Variants in KDM8 observed in about 807,000 individuals in gnomAD.
KDM8 encodes lysine demethylase 8.
Under a neutral mutation model 46.9 loss-of-function variants are expected in KDM8, and 35 were observed. The observed-to-expected ratio is 0.75, with a 90% CI of 0.57 to 0.99. The LOEUF is 0.99. KDM8 is among the 50% of genes least tolerant of loss of function. The pLI is 0.00. For missense variants in KDM8, 475 were observed against 537.0 expected (o/e 0.88, Z 1.14); for synonymous variants, 232 against 227.7 (o/e 1.02, Z -0.17).
rs1279516368 is a variant in KDM8 at position 27,213,692 on chromosome 16, A to G, written c.606A>G (p.Pro202=). 6.2e-7 allele frequency: 1 copy of G among 1,614,176 alleles called. No individual in the cohort carries two copies. Among genetic ancestry groups the G allele is most frequent in the Non-Finnish European group, 8.5e-7 (1 of 1,180,008 alleles). The change falls in exon 3 of 8, where the codon CCA becomes CCG. Residue 202 remains proline (P), a synonymous_variant. Transcript: ENST00000286096. ...ATTTCAGGGAGCAGTTTTTGGTTCCAGGGAGGCCCGTGATCCTGAAAGGCG... is the reference window on the plus strand; with the variant it reads ...ATTTCAGGGAGCAGTTTTTGGTTCCGGGGAGGCCCGTGATCCTGAAAGGCG... The part of the protein sequence containing the change: ...LQHFREQFLV[P]GRPVILKGVA...
intron 5 of KDM8, among the ~76,000 whole-genome samples, chr16:27,217,816 A>G (rs1276703587): frequency 6.6e-6 from 1 of 151,264 alleles, no homozygotes; most frequent in Non-Finnish European, 1.5e-5. Context: ...CCCTGTTTTC[A>G]TGCCTCTCAA....
intron 5 of KDM8, among the ~76,000 whole-genome samples, chr16:27,216,499 G>T (rs1650920958): frequency 6.6e-6 from 1 of 152,192 alleles, no homozygotes. Flanking sequence ...GATAGGGCCA[G>T]GTGCGTGTCC....
At chr16:27,215,081 C>A (rs753387594) in intron 4 of KDM8, 73 bp downstream of exon 4, 2 of 1,555,912 alleles carry the variant, frequency 1.3e-6, no homozygotes, top group African/African-American at 2.7e-5. Flanking sequence ...AAATAACCCC[C>A]CATGTGTTGT....
chr16:27,209,465 G>A (rs2083459343), intron 1 of KDM8, among the ~76,000 whole-genome samples: 1 of 152,262 alleles, frequency 6.6e-6, no homozygotes, highest in Non-Finnish European at 1.5e-5. Flanking sequence ...GAGCTCAAGT[G>A]ATCCAATTGC....
chr16:27,205,876 A>C, intron 1 of KDM8, among the ~76,000 whole-genome samples: 1 of 152,222 alleles, frequency 6.6e-6, no homozygotes, highest in Non-Finnish European at 1.5e-5. Context: ...GATCAACAAG[A>C]GGTCTTTGAA....
intron 1 of KDM8, chr16:27,204,096 A>AG: frequency 6.5e-7 from 1 of 1,547,854 alleles, no homozygotes; most frequent in Non-Finnish European, 8.7e-7. Context: ...CCCAAATATG[A>AG]GCCGCGAGAA....
intron 1 of KDM8, chr16:27,206,102 A>G (rs554190333): frequency 2.0e-4 from 67 of 341,558 alleles, no homozygotes; most frequent in African/African-American, 1.5e-3. Flanking sequence ...TACAACTCCC[A>G]ATAAACCCTT....
intron 1 of KDM8, 148 bp downstream of exon 1, chr16:27,203,784 G>C (rs565009667): frequency 1.6e-4 from 56 of 341,938 alleles, no homozygotes; most frequent in African/African-American, 1.1e-3. Flanking sequence ...AGGGTGGCTC[G>C]AGTTGCCGCA....
Position 27,210,269 on chromosome 16 carries a change from T to C in KDM8, c.146T>C (p.Leu49Ser). 6.2e-7 allele frequency: 1 copy of C among 1,613,190 alleles called. No individual in the cohort carries two copies. The change falls in exon 2 of 8, where the codon TTG becomes TCG. Residue 49 changes from leucine (L) to serine (S), a missense_variant. Physicochemically the swap from Leu to Ser is moderately radical, Grantham distance 145. Transcript: ENST00000286096. ...GTGGAGAGGAGCGTGGTGACATTGT[T>C]GCAGCGAGCCACTGAGCTCTTCTAC... ...EKVERSVVTL[L>S]QRATELFYEG...
Position 27,210,588 on chromosome 16 carries a change from C to T in KDM8, c.465C>T (p.Ala155=), listed in dbSNP as rs201241042. The change falls in exon 2 of 8, where the codon GCC becomes GCT. Residue 155 remains alanine, a synonymous_variant. Coordinates refer to ENST00000286096, the MANE Select transcript of KDM8 (RefSeq NM_024773.3). The part of the protein sequence containing the change: ...LQTHLPGKRP[A]RGSLPEQPCT... ...CACACCTCCCTGGAAAGAGGCCTGC[C>T]CGTGGCTCCCTCCCAGAGCAACCCT... The T allele has an allele frequency of 5.9e-6, 9 of 1,515,616 alleles. No individual in the cohort carries two copies. Among genetic ancestry groups the T allele is most frequent in the African/African-American group, 1.4e-5 (1 of 71,702 alleles). 93.9% of individuals were successfully genotyped at this position (1,515,616 alleles called of 1,614,324 possible).
intron 4 of KDM8, among the ~76,000 whole-genome samples, 181 bp from the exon 5 acceptor site, chr16:27,215,764 G>A (rs2083543663): frequency 6.6e-6 from 1 of 152,158 alleles, no homozygotes; most frequent in African/African-American, 2.4e-5. Context: ...GGGTACCCCG[G>A]TGCTGGAGAG....
At chr16:27,206,354 C>A (rs2083428190) in intron 1 of KDM8, 2 of 239,040 alleles carry the variant, frequency 8.4e-6, no homozygotes, top group African/African-American at 4.7e-5. Flanking sequence ...CTCACCCCAA[C>A]CTCTGCCTCC....
chr16:27,215,879 C>G, intron 4 of KDM8, 66 bp from the exon 5 acceptor site: 1 of 1,510,708 alleles, frequency 6.6e-7, no homozygotes. Context: ...ACAGCAGCAG[C>G]AGGAGGGCAT....
Position 27,219,069 on chromosome 16 carries a change from T to G in KDM8, c.952T>G (p.Ser318Ala). ...NAWFGPQGTI[S>A]PLHQDPQQNF... ...CTGGTTTGGTCCCCAGGGAACCATC[T>G]CCCCACTACATCAGGATCCCCAGCA... Residue 318 changes from serine (S) to alanine (A), a missense_variant, in exon 6 of 8, where the codon TCC becomes GCC. By Grantham distance (99) the Ser-to-Ala change is moderately conservative. Coordinates refer to ENST00000286096, the MANE Select transcript of KDM8 (RefSeq NM_024773.3). The G allele has an allele frequency of 6.2e-7, 1 of 1,613,558 alleles. No individual in the cohort carries two copies. The highest frequency in any genetic ancestry group is 8.5e-7 in the Non-Finnish European group (1 of 1,179,750).
At position 27,213,747 on chromosome 16, in the gene KDM8, T is replaced by C. The variant is rs775255954; in HGVS notation, c.661T>C (p.Trp221Arg). The change falls in exon 3 of 8, where the codon TGG becomes CGG. Residue 221 changes from tryptophan to arginine, a missense_variant. Transcript: ENST00000286096. Reference sequence around the variant, plus strand: ...TGACCACTGGCCGTGCATGCAGAAGTGGAGGTGGGTGGTCGCTGAGGGAGG... The same window carrying C: ...TGACCACTGGCCGTGCATGCAGAAGCGGAGGTGGGTGGTCGCTGAGGGAGG... ...VADHWPCMQK[W>R]SLEYIQEIAG... 1 of 1,613,562 alleles carries C rather than the reference T, an allele frequency of 6.2e-7. No homozygotes were observed.
rs1160284803 is a variant in KDM8 at position 27,215,020 on chromosome 16, G to A, written c.798+12G>A. On this transcript the variant is annotated intron_variant, in intron 4 of 7. Coordinates refer to ENST00000286096, the MANE Select transcript of KDM8 (RefSeq NM_024773.3). ...ACATCGTGAATGAGGTACATCATGG[G>A]GACTGCTTTCCCCTAGTACTTGCAA... The A allele has an allele frequency of 6.2e-7, 1 of 1,613,838 alleles. No individual in the cohort carries two copies. Among genetic ancestry groups the A allele is most frequent in the South Asian group, 1.1e-5 (1 of 91,064 alleles).
intron 1 of KDM8, among the ~76,000 whole-genome samples, chr16:27,208,340 C>G (rs1165188382): frequency 6.6e-6 from 1 of 152,124 alleles, no homozygotes; most frequent in Non-Finnish European, 1.5e-5. Flanking sequence ...CCTTGAGAAG[C>G]TGGCTTGGTA....
At chr16:27,218,910 C>T (rs778622477) in intron 5 of KDM8, 51 bp from the exon 6 acceptor site, 66 of 1,605,144 alleles carry the variant, frequency 4.1e-5, no homozygotes, top group African/African-American at 8.0e-5. Context: ...CTCCGGGCTG[C>T]GGTGTCCCCA....
chr16:27,219,283 C>G (rs1472320669), intron 6 of KDM8, among the ~76,000 whole-genome samples, 173 bp downstream of exon 6: 1 of 152,260 alleles, frequency 6.6e-6, no homozygotes, highest in Non-Finnish European at 1.5e-5. Context: ...CCAGGAAGGC[C>G]TCTGCAGTCG....
Sources: allele counts gnomAD v4.1 joint callset (sites outside exome capture counted in the v4.1 genomes callset), GRCh38; gene constraint gnomAD v4.1.1; transcripts MANE v1.5; gene names NCBI Gene and HGNC (gene_info 2026-07-23, HGNC 2026-07-21).